Variants in SPTLC3 observed in about 807,000 individuals in gnomAD.
SPTLC3 encodes serine palmitoyltransferase long chain base subunit 3, also known as serine palmitoyltransferase 3.
A neutral mutation model predicts 59.3 loss-of-function variants in SPTLC3; 36 were observed. The observed-to-expected ratio is 0.61, with a 90% confidence interval of 0.47 to 0.80. SPTLC3 has a LOEUF of 0.80. Among genes scored for constraint, SPTLC3 ranks in the 30% least tolerant of loss-of-function variants. The pLI, the probability that SPTLC3 is intolerant of heterozygous loss-of-function variation, is 0.00. For synonymous variants in SPTLC3, 257 were observed against 240.8 expected (o/e 1.07, Z -0.62); for missense variants, 625 against 685.1 (o/e 0.91, Z 0.98).
At chr20:13,036,728 G>T (rs1307669689) in intron 1 of SPTLC3, among the ~76,000 whole-genome samples, 1 of 152,040 alleles carries the variant, frequency 6.6e-6, no homozygotes, top group African/African-American at 2.4e-5. Flanking sequence ...ACCAATCAGA[G>T]TTGATTTGGG....
At chr20:13,046,595 T>C (rs1987244124) in intron 1 of SPTLC3, among the ~76,000 whole-genome samples, 1 of 151,716 alleles carries the variant, frequency 6.6e-6, no homozygotes, top group Non-Finnish European at 1.5e-5. Context: ...ATGTGGGAGG[T>C]GGGTCTTAAC....
chr20:13,011,252 T>C (rs1568562011), intron 1 of SPTLC3, among the ~76,000 whole-genome samples: 1 of 152,218 alleles, frequency 6.6e-6, no homozygotes, highest in Non-Finnish European at 1.5e-5. Context: ...GCCACCAGTT[T>C]TGATCCTTGG....
At chr20:13,094,105 G>C (rs1172768567) in intron 6 of SPTLC3, among the ~76,000 whole-genome samples, 1 of 152,100 alleles carries the variant, frequency 6.6e-6, no homozygotes, top group Non-Finnish European at 1.5e-5. Flanking sequence ...CAGGCAGAAG[G>C]CTATTTCTTC....
chr20:13,111,486 A>C (rs951705302), intron 7 of SPTLC3, among the ~76,000 whole-genome samples: 2 of 152,214 alleles, frequency 1.3e-5, no homozygotes, highest in African/African-American at 4.8e-5. Flanking sequence ...TACAACACAG[A>C]GTTATCTAGC....
intron 9 of SPTLC3, among the ~76,000 whole-genome samples, chr20:13,143,256 G>A (rs370306176): frequency 6.6e-6 from 1 of 152,264 alleles, no homozygotes; most frequent in East Asian, 1.9e-4. Flanking sequence ...GTTTTAGAGA[G>A]CAAATCCAAG....
At chr20:13,109,179 T>C (rs530549919) in intron 6 of SPTLC3, among the ~76,000 whole-genome samples, 1 of 152,252 alleles carries the variant, frequency 6.6e-6, no homozygotes, top group Non-Finnish European at 1.5e-5. Context: ...CAACCTCTGA[T>C]AGCAGATAAA....
chr20:13,143,459 A>G (rs1296603837), intron 9 of SPTLC3, among the ~76,000 whole-genome samples: 1 of 152,202 alleles, frequency 6.6e-6, no homozygotes. Flanking sequence ...TATCCTTGTC[A>G]TGATTCCCAT....
At chr20:13,117,468 G>T in intron 7 of SPTLC3, 38 bp from the exon 8 acceptor site, 7 of 1,526,476 alleles carry the variant, frequency 4.6e-6, no homozygotes, top group South Asian at 1.3e-5. Flanking sequence ...TCCCAGGAGG[G>T]TATTTGTTAG....
At chr20:13,054,887 GA>G (rs1362665709) in intron 2 of SPTLC3, among the ~76,000 whole-genome samples, 17 of 152,154 alleles carry the variant, frequency 1.1e-4, no homozygotes, top group African/African-American at 4.1e-4. Flanking sequence ...AGGATGAAAA[GA>G]AAGTGAAGAA....
rs189317639 is a variant in SPTLC3, at chr20:13,079,798, G to A, written c.607+5301G>A. ...ATGCCCTCTGTGTGGGAGGGGTCTT[G>A]CAAGCTGACTCAGTGCCACAGGGGC... On this transcript the variant is annotated intron_variant, in intron 4 of 11. Transcript: ENST00000399002. The A allele has an allele frequency of 3.9e-4, 181 of 468,848 alleles. 1 individual carries two copies. The Admixed American group carries it at 4.3e-3, about 11-fold the overall frequency. 29.0% of individuals were successfully genotyped at this position (468,848 alleles called of 1,614,324 possible).
intron 9 of SPTLC3, among the ~76,000 whole-genome samples, chr20:13,133,374 T>C (rs1276061954): frequency 1.3e-5 from 2 of 151,804 alleles, no homozygotes; most frequent in African/African-American, 2.4e-5. Context: ...AATGACCCTG[T>C]AGTCACTCTT....
chr20:13,122,971 T>C (rs375347864), intron 8 of SPTLC3, among the ~76,000 whole-genome samples: 4 of 152,272 alleles, frequency 2.6e-5, no homozygotes, highest in East Asian at 1.9e-4. Flanking sequence ...CAAGAAGCTT[T>C]TATATTTTGG....
chr20:13,079,472 A>T (rs926104264), intron 4 of SPTLC3, among the ~76,000 whole-genome samples: 14 of 152,208 alleles, frequency 9.2e-5, no homozygotes, highest in African/African-American at 3.4e-4. Context: ...ATTGACATGG[A>T]AAAAACAAAA....
Position 13,164,941 on chromosome 20 carries a change from T to C in SPTLC3, c.*74T>C, listed in dbSNP as rs2038965578. The C allele has an allele frequency of 4.7e-6, 6 of 1,274,358 alleles. No homozygotes were observed. Among genetic ancestry groups the C allele is most frequent in the South Asian group, 4.2e-5 (3 of 72,246 alleles). The allele number at this position is 1,274,358 out of a possible 1,614,324, so 78.9% of individuals were successfully genotyped here. ...CTCCTTGCCTCACAAGGAATATAAA[T>C]GGATTTCTCCCCCTTCCTCAGGACA... On this transcript the variant is annotated 3_prime_UTR_variant, in exon 12 of 12. Transcript: ENST00000399002.
At chr20:13,088,005 CA>C (rs1467213000) in intron 4 of SPTLC3, among the ~76,000 whole-genome samples, 1 of 152,176 alleles carries the variant, frequency 6.6e-6, no homozygotes, top group Non-Finnish European at 1.5e-5. Context: ...TGCAAACTTT[CA>C]GGAAAGGTAG....
intron 4 of SPTLC3, among the ~76,000 whole-genome samples, chr20:13,078,088 T>C (rs897245718): frequency 6.7e-6 from 1 of 148,506 alleles, no homozygotes; most frequent in Non-Finnish European, 1.5e-5. Flanking sequence ...ACTATTACTT[T>C]ATATATTTTA....
In SPTLC3 at chr20:13,117,610, C is replaced by A; in HGVS notation, c.1037C>A (p.Pro346Gln). Residue 346 changes from proline (P) to glutamine (Q), a missense_variant, in exon 8 of 12, where the codon CCA becomes CAA. Transcript: ENST00000399002. ...DEAHSIGAVG[P>Q]TGRGVTEFFG... ...GCTCACAGTATTGGGGCCGTGGGCC[C>A]AACCGGCCGGGGTGTCACGGAGTTC... 3 of 1,613,060 alleles carry A rather than the reference C, an allele frequency of 1.9e-6. No individual in the cohort carries two copies. Among genetic ancestry groups the A allele is most frequent in the Non-Finnish European group, 2.5e-6 (3 of 1,179,214 alleles).
At chr20:13,048,157 C>T (rs1471529687) in intron 1 of SPTLC3, among the ~76,000 whole-genome samples, 1 of 152,066 alleles carries the variant, frequency 6.6e-6, no homozygotes, top group Non-Finnish European at 1.5e-5. Context: ...GCACCCAATA[C>T]AGGAGCACCC....
intron 8 of SPTLC3, among the ~76,000 whole-genome samples, chr20:13,120,088 G>C (rs2122757619): frequency 6.6e-6 from 1 of 152,270 alleles, no homozygotes; most frequent in South Asian, 2.1e-4. Flanking sequence ...ATTTTGTGAA[G>C]AATTTTTACT....
Sources: gnomAD v4.1 joint callset for allele counts (sites outside exome capture counted in the v4.1 genomes callset) on GRCh38, gnomAD v4.1.1 for gene constraint, MANE v1.5 for transcripts, NCBI Gene and HGNC (gene_info 2026-07-23, HGNC 2026-07-21) for gene names.